NFASC: variants seen among roughly 807,000 people sequenced by gnomAD.
The protein encoded by NFASC is neurofascin, also known as neurofascin homolog.
A neutral mutation model predicts 147.5 loss-of-function variants in NFASC; 43 were observed. That is an observed-to-expected ratio of 0.29 (90% CI 0.23 to 0.38). The LOEUF (loss-of-function observed/expected upper bound fraction) is 0.38. Among genes scored for constraint, NFASC ranks in the 10% least tolerant of loss-of-function variants. The pLI is 1.00. For missense variants in NFASC, 1,320 were observed against 1,689.0 expected (o/e 0.78, Z 3.83); for synonymous variants, 622 against 665.5 (o/e 0.93, Z 1.01).
chr1:204,834,599 C>CAT (rs2102391625), intron 1 of NFASC, among the ~76,000 whole-genome samples: 1 of 152,288 alleles, frequency 6.6e-6, no homozygotes, highest in Non-Finnish European at 1.5e-5. Flanking sequence ...CCCCTCTCCC[C>CAT]GTTATTGTGA....
chr1:205,008,757 G>A (rs2096189502), intron 27 of NFASC: 1 of 153,238 alleles, frequency 6.5e-6, no homozygotes, highest in Non-Finnish European at 1.5e-5. Context: ...GACAGAGAGG[G>A]ACTCACTGTC....
chr1:204,989,112 G>T, intron 23 of NFASC: 1 of 400,786 alleles, frequency 2.5e-6, no homozygotes, highest in Non-Finnish European at 4.6e-6. Context: ...CATGAGTTGA[G>T]AAATGAGAGA....
At chr1:204,848,551 A>G (rs995091525) in intron 1 of NFASC, among the ~76,000 whole-genome samples, 2 of 152,378 alleles carry the variant, frequency 1.3e-5, no homozygotes, top group Non-Finnish European at 2.9e-5. Context: ...TGAGACATAC[A>G]GTAAAGTACA....
chr1:205,016,793 G>T lies in NFASC; in HGVS notation c.*254G>T. 1.8e-6 allele frequency: 1 copy of T among 564,834 alleles called. No homozygotes were observed. Among genetic ancestry groups the T allele is most frequent in the Non-Finnish European group, 3.3e-6 (1 of 306,650 alleles). The allele number at this position is 564,834 out of a possible 1,614,324, so 35.0% of individuals were successfully genotyped here. On this transcript the variant is annotated 3_prime_UTR_variant, in exon 30 of 30. Coordinates refer to ENST00000339876, the MANE Select transcript of NFASC (RefSeq NM_001005388.3). The surrounding 1 kb of genome is among the most constrained non-coding windows in gnomAD (Gnocchi z 5.1). ...GGCTGAGCTCAGCTGGAGGGAGCCT[G>T]GCCCCTTGCCCGGTCTCGCAGCCAC...
At position 204,933,194 on chromosome 1, in the gene NFASC, C is replaced by G. The variant is rs187708681; in HGVS notation, c.-90-11032C>G. ...TCAGATCAGGTGTTTAGAAAAGTCA[C>G]TGGAATAGCAGCATGGAGAATGGAT... is the stretch of plus-strand genomic sequence containing the variant. On this transcript the variant is annotated intron_variant, in intron 2 of 29. Transcript: ENST00000339876. Among the ~76,000 whole-genome samples the G allele has an allele frequency of 9.2e-5, 14 of 152,228 alleles. 1 individual carries two copies. Among genetic ancestry groups the G allele is most frequent in the Admixed American group, 8.5e-4 (13 of 15,298 alleles).
intron 1 of NFASC, among the ~76,000 whole-genome samples, chr1:204,912,865 A>AAT (rs2087978046): frequency 6.6e-6 from 1 of 151,336 alleles, no homozygotes; most frequent in African/African-American, 2.4e-5. Flanking sequence ...CCAAAAAAAA[A>AAT]AATAATTTAA....
chr1:204,977,748 C>T (rs751411172), intron 17 of NFASC, 23 bp downstream of exon 17: 53 of 1,601,402 alleles, frequency 3.3e-5, no homozygotes, highest in Non-Finnish European at 4.3e-5. Context: ...AATCACAGTC[C>T]CCTGCCAGTG....
At chr1:204,959,479 T>C (rs1210887434) in intron 8 of NFASC, among the ~76,000 whole-genome samples, 1 of 152,180 alleles carries the variant, frequency 6.6e-6, no homozygotes, top group Non-Finnish European at 1.5e-5. Flanking sequence ...GGAAGGACAG[T>C]GTAGTCTGCC....
intron 1 of NFASC, among the ~76,000 whole-genome samples, chr1:204,907,378 G>C (rs962812933): frequency 4.6e-5 from 7 of 152,138 alleles, no homozygotes; most frequent in South Asian, 2.1e-4. Flanking sequence ...AGATTATCAA[G>C]TATTTTCTTT....
At chr1:204,888,719 A>G (rs1343484968) in intron 1 of NFASC, among the ~76,000 whole-genome samples, 2 of 152,254 alleles carry the variant, frequency 1.3e-5, no homozygotes, top group African/African-American at 4.8e-5. Flanking sequence ...AAGACCTCCC[A>G]TATAGTAGAG....
At chr1:204,883,511 A>T (rs758147743) in intron 1 of NFASC, among the ~76,000 whole-genome samples, 6 of 152,200 alleles carry the variant, frequency 3.9e-5, no homozygotes, top group Non-Finnish European at 5.9e-5. Flanking sequence ...TGTGCTCAGG[A>T]GTCAGCTGGC....
chr1:204,877,644 C>T (rs2759282), intron 1 of NFASC, among the ~76,000 whole-genome samples: 20,496 of 152,050 alleles, frequency 0.13, 2,124 homozygotes, highest in African/African-American at 0.29. Context: ...TGCAGTCGAT[C>T]GGGGGACTTA....
rs2095383054 is a variant in NFASC, at chr1:204,975,595, C to A, written c.1706+177C>A. Among the ~76,000 whole-genome samples the A allele has an allele frequency of 6.6e-6, 1 of 152,034 alleles. No homozygotes were observed. The highest frequency in any genetic ancestry group is 2.4e-5 in the African/African-American group (1 of 41,392). ...AACTCCCCTGCTTCAGGGGAGACCCCCCCACCGACCCTGTACAACCTCCCT... is the reference window on the plus strand; with the variant it reads ...AACTCCCCTGCTTCAGGGGAGACCCACCCACCGACCCTGTACAACCTCCCT... On this transcript the variant is annotated intron_variant, in intron 15 of 29. Coordinates refer to ENST00000339876, the MANE Select transcript of NFASC (RefSeq NM_001005388.3). The surrounding 1 kb of genome is among the most constrained non-coding windows in gnomAD (Gnocchi z 4.0).
At chr1:204,920,535 C>T in intron 1 of NFASC, 97 bp from the exon 2 acceptor site, 1 of 458,698 alleles carries the variant, frequency 2.2e-6, no homozygotes, top group Non-Finnish European at 3.8e-6. Context: ...AATGTAATTT[C>T]CCCAGTGAAT....
chr1:204,867,120 G>C (rs1361189979), intron 1 of NFASC, among the ~76,000 whole-genome samples: 1 of 152,158 alleles, frequency 6.6e-6, no homozygotes, highest in Non-Finnish European at 1.5e-5. Context: ...GACAAGGGGG[G>C]ACCCCTAGAT....
chr1:204,864,294 T>C (rs2076943385), intron 1 of NFASC, among the ~76,000 whole-genome samples: 1 of 152,268 alleles, frequency 6.6e-6, no homozygotes, highest in Non-Finnish European at 1.5e-5. Context: ...TCTCCATCTT[T>C]TGGCTGTTGT....
At chr1:205,009,771 G>A (rs1201641235) in intron 28 of NFASC, 83 bp downstream of exon 28, 5 of 1,438,964 alleles carry the variant, frequency 3.5e-6, no homozygotes, top group South Asian at 1.2e-5. Flanking sequence ...CCAGATCCGG[G>A]GAATGTGTTC....
At chr1:204,929,665 G>A (rs2092148094) in intron 2 of NFASC, among the ~76,000 whole-genome samples, 2 of 152,264 alleles carry the variant, frequency 1.3e-5, no homozygotes, top group South Asian at 4.1e-4. Context: ...GATATGGTGA[G>A]ATGTAATTCT....
chr1:205,008,514 T>C (rs2096182579), intron 27 of NFASC: 1 of 152,636 alleles, frequency 6.6e-6, no homozygotes, highest in Non-Finnish European at 1.5e-5. Flanking sequence ...TCTCACGTTC[T>C]GTGACAGGCT....
Sources: allele counts gnomAD v4.1 joint callset (sites outside exome capture counted in the v4.1 genomes callset), GRCh38; gene constraint gnomAD v4.1.1; non-coding constraint Gnocchi (gnomAD v3.1); transcripts MANE v1.5; gene names NCBI Gene and HGNC (gene_info 2026-07-23, HGNC 2026-07-21).